Variants in GRM1 observed in about 807,000 individuals in gnomAD.
GRM1 encodes metabotropic glutamate receptor 1.
Under a neutral mutation model 90.9 loss-of-function variants are expected in GRM1, and 33 were observed. The observed-to-expected ratio is 0.36, with a 90% confidence interval of 0.28 to 0.49. The LOEUF (loss-of-function observed/expected upper bound fraction) is 0.49, where lower values mean the gene tolerates loss of function less well. Ranked by LOEUF, GRM1 falls within the 20% of genes least tolerant of loss-of-function variation. The pLI is 0.99. For missense variants in GRM1, 1,190 were observed against 1,534.3 expected (o/e 0.78, Z 3.75); for synonymous variants, 700 against 613.2 (o/e 1.14, Z -2.09).
At chr6:146,237,575 C>A (rs76881138) in intron 2 of GRM1, among the ~76,000 whole-genome samples, 2,976 of 146,018 alleles carry the variant, frequency 0.02, 42 homozygotes, top group Non-Finnish European at 0.032. Flanking sequence ...GTTAAATATT[C>A]TTTTTTATCT....
At chr6:146,125,225 A>G (rs1461082461) in intron 1 of GRM1, among the ~76,000 whole-genome samples, 2 of 152,186 alleles carry the variant, frequency 1.3e-5, no homozygotes, top group Non-Finnish European at 2.9e-5. Flanking sequence ...CCAACACCCA[A>G]ATAGTTAACT....
Position 146,324,742 on chromosome 6 carries a change from C to T in GRM1, c.1186+19896C>T, listed in dbSNP as rs75520669. Among the ~76,000 whole-genome samples, 1,010 of 152,262 alleles carry T rather than the reference C, an allele frequency of 6.6e-3. 8 individuals are homozygous for T. The highest frequency in any genetic ancestry group is 0.023 in the African/African-American group (937 of 41,552). ...CCCCACCCTGCTTCAACTCACCCCC[C>T]GTGGGCTGCACCCCCTGTCTAACCA... On this transcript the variant is annotated intron_variant, in intron 3 of 7. Transcript: ENST00000282753.
intron 3 of GRM1, among the ~76,000 whole-genome samples, chr6:146,323,538 G>A (rs1331719272): frequency 6.6e-6 from 1 of 152,078 alleles, no homozygotes; most frequent in Non-Finnish European, 1.5e-5. Context: ...CCATTCTGTA[G>A]GTTGCCTGTT....
intron 2 of GRM1, among the ~76,000 whole-genome samples, chr6:146,248,387 G>A (rs1781150437): frequency 6.6e-6 from 1 of 152,200 alleles, no homozygotes; most frequent in Non-Finnish European, 1.5e-5. Flanking sequence ...GACCTAGTAG[G>A]AGGTGATTGC....
At chr6:146,371,402 T>G (rs1444340311) in intron 5 of GRM1, among the ~76,000 whole-genome samples, 1 of 152,112 alleles carries the variant, frequency 6.6e-6, no homozygotes, top group African/African-American at 2.4e-5. Flanking sequence ...AGGCATACAA[T>G]GTACAATGAG....
At chr6:146,072,489 A>G (rs9322046) in intron 1 of GRM1, among the ~76,000 whole-genome samples, 66,504 of 152,010 alleles carry the variant, frequency 0.44, 14,829 homozygotes, top group Middle Eastern at 0.54. Flanking sequence ...GCAAGATTCC[A>G]CATCAAAAGC....
At chr6:146,267,711 GT>G (rs1781968400) in intron 2 of GRM1, among the ~76,000 whole-genome samples, 73 of 112,322 alleles carry the variant, frequency 6.5e-4, no homozygotes, top group South Asian at 4.5e-3. Flanking sequence ...GGCTCGTCTC[GT>G]CTCGTCTCGT....
rs771315388 is a variant in GRM1, at chr6:146,268,249, G to A, written c.951-36362G>A. 2.0e-5 allele frequency among the ~76,000 whole-genome samples: 3 copies of A among 152,100 alleles called. No homozygotes were observed. The South Asian group carries it at 6.2e-4, about 31-fold the overall frequency. Reference sequence around the variant, plus strand: ...ATGACTGAACATATAAAAATGTTAAGCCCCCGACCTACAGTAACTTTCCAT... The same window carrying A: ...ATGACTGAACATATAAAAATGTTAAACCCCCGACCTACAGTAACTTTCCAT... On this transcript the variant is annotated intron_variant, in intron 2 of 7. Coordinates refer to ENST00000282753, the MANE Select transcript of GRM1 (RefSeq NM_001278064.2).
Position 146,207,815 on chromosome 6 carries a change from G to A in GRM1, c.950+48218G>A, listed in dbSNP as rs189954029. 2.3e-3 allele frequency among the ~76,000 whole-genome samples: 351 copies of A among 152,266 alleles called. 2 individuals carry two copies. Among genetic ancestry groups the A allele is most frequent in the African/African-American group, 8.2e-3 (341 of 41,576 alleles). On this transcript the variant is annotated intron_variant, in intron 2 of 7. Transcript: ENST00000282753. Reference sequence around the variant, plus strand: ...TGACTAGTTATTTATTACATTTTAAGTTGTTGGTCTGAGCCTATTTTATTA... The same window carrying A: ...TGACTAGTTATTTATTACATTTTAAATTGTTGGTCTGAGCCTATTTTATTA...
At chr6:146,124,409 C>G (rs1583036092) in intron 1 of GRM1, among the ~76,000 whole-genome samples, 1 of 152,242 alleles carries the variant, frequency 6.6e-6, no homozygotes, top group East Asian at 1.9e-4. Context: ...GAGATTGTCT[C>G]TAAATTCATT....
chr6:146,201,329 A>C lies in GRM1; in HGVS notation c.950+41732A>C, dbSNP rs551295594. On this transcript the variant is annotated intron_variant, in intron 2 of 7. Transcript: ENST00000282753. Reference sequence around the variant, plus strand: ...TATAATAGATTACTATTTACCAGAAAATGTTCAAGGATTCTGTTTCAGTCA... The same window carrying C: ...TATAATAGATTACTATTTACCAGAACATGTTCAAGGATTCTGTTTCAGTCA... 2.0e-5 allele frequency among the ~76,000 whole-genome samples: 3 copies of C among 152,314 alleles called. No individual in the cohort carries two copies. In the South Asian group the frequency reaches 6.2e-4, roughly 32 times the overall value.
At chr6:146,390,978 T>C (rs761972690) in intron 6 of GRM1, among the ~76,000 whole-genome samples, 108 of 152,120 alleles carry the variant, frequency 7.1e-4, no homozygotes, top group Non-Finnish European at 1.4e-3. Flanking sequence ...TTTCATTGAA[T>C]TGTAATAGAA....
At chr6:146,403,850 C>T (rs2114600750) in intron 7 of GRM1, among the ~76,000 whole-genome samples, 1 of 152,090 alleles carries the variant, frequency 6.6e-6, no homozygotes, top group South Asian at 2.1e-4. Context: ...ATAACTATAC[C>T]TATTTATAGG....
At chr6:146,139,659 T>A (rs79155899) in intron 1 of GRM1, among the ~76,000 whole-genome samples, 1,872 of 152,316 alleles carry the variant, frequency 0.012, 80 homozygotes, top group East Asian at 0.095. Flanking sequence ...GCATGGAATA[T>A]AGTTTTTCAT....
intron 2 of GRM1, among the ~76,000 whole-genome samples, chr6:146,303,455 C>T (rs1014901140): frequency 1.3e-5 from 2 of 152,148 alleles, no homozygotes; most frequent in Non-Finnish European, 2.9e-5. Flanking sequence ...AAACCTAAAA[C>T]TGTAAATTAT....
chr6:146,397,820 G>A (rs1205442168), intron 6 of GRM1, among the ~76,000 whole-genome samples: 1 of 152,204 alleles, frequency 6.6e-6, no homozygotes, highest in Non-Finnish European at 1.5e-5. Context: ...GTTGTTGATT[G>A]ACTGACAGGT....
rs945970765 is a variant in GRM1, at chr6:146,247,819, T to TAA, written c.951-56789_951-56788dup. On this transcript the variant is annotated intron_variant, in intron 2 of 7. Coordinates refer to ENST00000282753, the MANE Select transcript of GRM1 (RefSeq NM_001278064.2). Reference sequence around the variant, plus strand: ...GTGTGTGTGTGTATATATATATATATAAAATTACATATTATATGTAATATA... The same window carrying TAA: ...GTGTGTGTGTGTATATATATATATATAAAAAATTACATATTATATGTAATATA... Among the ~76,000 whole-genome samples the TAA allele has an allele frequency of 1.7e-4, 24 of 144,600 alleles. No homozygotes were observed. In the Admixed American group the frequency reaches 1.7e-3, roughly 10 times the overall value. 94.9% of individuals were successfully genotyped at this position (144,600 alleles called of 152,430 possible). A position where few individuals can be genotyped will look rare whatever the true frequency, so the allele number is the denominator to read the frequency against.
intron 2 of GRM1, among the ~76,000 whole-genome samples, chr6:146,255,943 T>C (rs1271616181): frequency 6.6e-6 from 1 of 152,176 alleles, no homozygotes; most frequent in East Asian, 1.9e-4. Flanking sequence ...TGTGTATTTG[T>C]TTCAGTTGGT....
chr6:146,258,484 T>C (rs1781568215), intron 2 of GRM1, among the ~76,000 whole-genome samples: 2 of 152,150 alleles, frequency 1.3e-5, no homozygotes, highest in African/African-American at 4.8e-5. Context: ...TAAGTCTCCT[T>C]GATATCTTGC....
Sources: allele counts gnomAD v4.1 joint callset (sites outside exome capture counted in the v4.1 genomes callset), GRCh38; gene constraint gnomAD v4.1.1; transcripts MANE v1.5; gene names NCBI Gene and HGNC (gene_info 2026-07-23, HGNC 2026-07-21).